The following ADCY4 variants were observed in gnomAD, a reference collection of about 807,000 sequenced individuals.
ADCY4 encodes adenylate cyclase 4.
A neutral mutation model predicts 125.5 loss-of-function variants in ADCY4; 111 were observed. The ratio of observed to expected loss-of-function variants is 0.88; its 90% CI spans 0.76 to 1.04. The LOEUF is 1.04. ADCY4 is among the 50% of genes least tolerant of loss of function. The pLI is 0.00. For missense variants in ADCY4, 1,256 were observed against 1,382.9 expected (o/e 0.91, Z 1.46); for synonymous variants, 576 against 586.9 (o/e 0.98, Z 0.27).
chr14:24,330,437 C>T (rs2042023858), intron 6 of ADCY4, 142 bp from the exon 7 acceptor site: 1 of 1,128,944 alleles, frequency 8.9e-7, no homozygotes, highest in African/African-American at 1.6e-5. Context: ...TCTAGGGACT[C>T]CTTTCACTTG....
chr14:24,326,403 C>A, intron 10 of ADCY4, 61 bp from the exon 11 acceptor site: 1 of 1,581,066 alleles, frequency 6.3e-7, no homozygotes, highest in Non-Finnish European at 8.7e-7. Context: ...GTGAGGTAGA[C>A]CATGAGCCAC....
chr14:24,325,549 AG>A, intron 13 of ADCY4, 75 bp from the exon 14 acceptor site: 1 of 1,340,310 alleles, frequency 7.5e-7, no homozygotes, highest in Non-Finnish European at 1.1e-6. Context: ...CTCCCAGGCA[AG>A]GGGTGGGCTC....
rs4982896 is a variant in ADCY4, at chr14:24,324,229, C to T, written c.1909-30G>A. 1.0e-3 allele frequency: 1,642 copies of T among 1,614,036 alleles called. 14 individuals carry two copies. The East Asian group carries it at 0.018, about 18-fold the overall frequency. On this transcript the variant is annotated intron_variant, in intron 15 of 24. Coordinates refer to ENST00000418030, the MANE Select transcript of ADCY4 (RefSeq NM_001198568.2). ...GGAGGGAGCATGGGCATCTTAGCCA[C>T]GGGGCTGGGGCACCCTCTTCAGGAC...
intron 6 of ADCY4, chr14:24,330,565 C>T (rs1054990628): frequency 1.6e-4 from 66 of 421,000 alleles, no homozygotes; most frequent in African/African-American, 2.8e-4. Flanking sequence ...GAGTTGAGTA[C>T]GTGGTAGTGG....
intron 10 of ADCY4, among the ~76,000 whole-genome samples, chr14:24,328,439 G>A (rs1040173761): frequency 6.6e-6 from 1 of 152,206 alleles, no homozygotes; most frequent in Non-Finnish European, 1.5e-5. Context: ...GATAGCAGTA[G>A]TAAATTAGTG....
Position 24,323,031 on chromosome 14 carries a change from T to C in ADCY4, c.2215A>G (p.Ser739Gly). The change falls in exon 18 of 25, where the codon AGC becomes GGC. Residue 739 changes from serine to glycine, a missense_variant. By Grantham distance (56) the Ser-to-Gly change is moderately conservative (BLOSUM62 0). Transcript: ENST00000418030. ...AGCAGCAGCAGCTTCAGCTCGAAGC[T>C]CATGTGCAGAAAGAGGGAGCAGGAG... ...FLSCSLFLHM[S>G]FELKLLLLLL... The C allele has an allele frequency of 6.2e-7, 1 of 1,613,900 alleles. No homozygotes were observed.
intron 17 of ADCY4, 22 bp downstream of exon 17, chr14:24,323,322 A>T: frequency 6.5e-7 from 1 of 1,534,656 alleles, no homozygotes; most frequent in Non-Finnish European, 8.8e-7. Context: ...GAAGGAGATT[A>T]AGGGCATGTG....
Position 24,331,902 on chromosome 14 carries a change from G to C in ADCY4, c.555C>G (p.Asn185Lys), listed in dbSNP as rs146705515. 1 of 1,581,928 alleles carries C rather than the reference G, an allele frequency of 6.3e-7. No homozygotes were observed. Among genetic ancestry groups the C allele is most frequent in the Non-Finnish European group, 8.6e-7 (1 of 1,156,780 alleles). Residue 185 changes from asparagine (N) to lysine (K), a missense_variant, in exon 4 of 25, where the codon AAC (asparagine) becomes AAG (lysine). Transcript: ENST00000418030. Reference sequence around the variant, plus strand: ...GCGCCTTGTGGTACACTCCTGCCACGTTCCCGCACAGGAACAGCACTGCGT... The same window carrying C: ...GCGCCTTGTGGTACACTCCTGCCACCTTCCCGCACAGGAACAGCACTGCGT... The part of the protein sequence containing the change: ...AANAVLFLCG[N>K]VAGVYHKALM...
rs77240037 is a variant in ADCY4 at position 24,319,203 on chromosome 14, G to A, written c.2851C>T (p.Arg951Trp). Reference protein sequence around the residue: ...SGQDAQQDAERSCSHLGTMVE... With the variant: ...SGQDAQQDAEWSCSHLGTMVE... ...ATAGTGCCAAGGTGGCTGCAGCTCC[G>A]TTCAGCATCCTGGCAATGGGCCCGC... is the stretch of plus-strand genomic sequence containing the variant. Residue 951 changes from arginine to tryptophan, a missense_variant, in exon 23 of 25, where the codon CGG (arginine) becomes TGG (tryptophan). Coordinates refer to ENST00000418030, the MANE Select transcript of ADCY4 (RefSeq NM_001198568.2). The surrounding 1 kb of genome is among the most constrained non-coding windows in gnomAD (Gnocchi z 4.5). The A allele has an allele frequency of 1.2e-4, 200 of 1,614,160 alleles. 1 individual carries two copies. The African/African-American group carries it at 2.0e-3, about 16-fold the overall frequency.
chr14:24,333,384 C>G (rs756398063), intron 1 of ADCY4, among the ~76,000 whole-genome samples: 14 of 147,884 alleles, frequency 9.5e-5, no homozygotes, highest in Non-Finnish European at 2.1e-4. Context: ...CCACGCCCAG[C>G]TAATTTTTTT....
intron 3 of ADCY4, chr14:24,332,237 C>CTT (rs61560607): frequency 8.6e-4 from 339 of 394,258 alleles, no homozygotes; most frequent in African/African-American, 4.8e-3. Context: ...TCGCACAAAA[C>CTT]TTTTTTTTTT....
At chr14:24,322,444 C>G (rs2041866814) in intron 19 of ADCY4, 180 bp downstream of exon 19, 3 of 859,880 alleles carry the variant, frequency 3.5e-6, no homozygotes, top group Non-Finnish European at 5.3e-6. Flanking sequence ...AAAGCATGGG[C>G]TTTCCCAGAT....
At chr14:24,330,436 T>C (rs1290663421) in intron 6 of ADCY4, 141 bp from the exon 7 acceptor site, 9 of 1,132,564 alleles carry the variant, frequency 7.9e-6, no homozygotes, top group Non-Finnish European at 1.1e-5. Context: ...ATCTAGGGAC[T>C]CCTTTCACTT....
At position 24,322,796 on chromosome 14, in the gene ADCY4, A is replaced by C. The variant is rs2041875183; in HGVS notation, c.2343-88T>G. ...CCATGTAGGCCTCCGCTTCCCTCCC[A>C]CTTTGCCCTGTGGGTGATTCAGGTC... is the stretch of plus-strand genomic sequence containing the variant. On this transcript the variant is annotated intron_variant, in intron 18 of 24. Coordinates refer to ENST00000418030, the MANE Select transcript of ADCY4 (RefSeq NM_001198568.2). 2.6e-6 allele frequency: 4 copies of C among 1,550,748 alleles called. No homozygotes were observed. In the Admixed American group the frequency reaches 7.8e-5, roughly 30 times the overall value.
rs1246797527 is a variant in ADCY4, at chr14:24,323,689, C to T, written c.2047-235G>A. 4 of 1,380,826 alleles carry T rather than the reference C, an allele frequency of 2.9e-6. No individual in the cohort carries two copies. In the East Asian group the frequency reaches 1.1e-4, roughly 38 times the overall value. The allele number at this position is 1,380,826 out of a possible 1,614,324, so 85.5% of individuals were successfully genotyped here. On this transcript the variant is annotated intron_variant, in intron 16 of 24. Coordinates refer to ENST00000418030, the MANE Select transcript of ADCY4 (RefSeq NM_001198568.2). ...TCTGAGCCACTGTGTGAGCTCTTGC[C>T]AGCCACTTAGCCTCTCTGGGCCTTA... is the stretch of plus-strand genomic sequence containing the variant.
rs761615172 is a variant in ADCY4, at chr14:24,322,725, T to C, written c.2343-17A>G. ...ACTCCGGGCCTGAAGGGGCCATGGA[T>C]CAGGGTGACCCCTTGCTTTCCCCCT... is the stretch of plus-strand genomic sequence containing the variant. On this transcript the variant is annotated splice_polypyrimidine_tract_variant and intron_variant, in intron 18 of 24. Coordinates refer to ENST00000418030, the MANE Select transcript of ADCY4 (RefSeq NM_001198568.2). 3 of 1,612,636 alleles carry C rather than the reference T, an allele frequency of 1.9e-6. No individual in the cohort carries two copies. The highest frequency in any genetic ancestry group is 4.5e-5 in the East Asian group (2 of 44,864).
chr14:24,319,466 T>C lies in ADCY4; in HGVS notation c.2734-30A>G. On this transcript the variant is annotated intron_variant, in intron 21 of 24. Transcript: ENST00000418030. This position sits in a 1 kb window ranked among gnomAD's most constrained non-coding sequence, Gnocchi z 4.5. ...ATATAGAGAAGAGTCCTGTCCCCAG[T>C]CTCTCTTACTCTCTCCATCACCTCT... 1 of 1,593,596 alleles carries C rather than the reference T, an allele frequency of 6.3e-7. No homozygotes were observed.
rs1293804427 is a variant in ADCY4, at chr14:24,329,174, T to C, written c.1411A>G (p.Lys471Glu). 4 of 1,613,860 alleles carry C rather than the reference T, an allele frequency of 2.5e-6. No homozygotes were observed. In the African/African-American group the frequency reaches 5.3e-5, roughly 22 times the overall value. ...GTCATCAGCAGTGATGGACGCATCTTGAGGCCCTCAAGCGAGGACAGCAAG... is the reference window on the plus strand; with the variant it reads ...GTCATCAGCAGTGATGGACGCATCTCGAGGCCCTCAAGCGAGGACAGCAAG... ...GGLLSSLEGL[K>E]MRPSLLMTRY... The change falls in exon 10 of 25, where the codon AAG (lysine) becomes GAG (glutamate). Residue 471 changes from lysine to glutamate, a missense_variant. By Grantham distance (56) the Lys-to-Glu change is moderately conservative (BLOSUM62 1). Coordinates refer to ENST00000418030, the MANE Select transcript of ADCY4 (RefSeq NM_001198568.2).
intron 20 of ADCY4, chr14:24,321,679 G>C (rs542390327): frequency 2.3e-6 from 1 of 437,500 alleles, no homozygotes; most frequent in Admixed American, 5.9e-5. Context: ...TCTGACAAGA[G>C]GCAGAGCTCA....
Sources: gnomAD v4.1 joint callset for allele counts (sites outside exome capture counted in the v4.1 genomes callset) on GRCh38, gnomAD v4.1.1 for gene constraint, Gnocchi (gnomAD v3.1) non-coding constraint, MANE v1.5 for transcripts, NCBI Gene and HGNC (gene_info 2026-07-23, HGNC 2026-07-21) for gene names.